POGLUT3: variants seen among roughly 807,000 people sequenced by gnomAD.
The protein encoded by POGLUT3 is KDEL (Lys-Asp-Glu-Leu) containing 2.
A neutral mutation model predicts 54.3 loss-of-function variants in POGLUT3; 48 were observed. The observed-to-expected ratio is 0.88, with a 90% CI of 0.70 to 1.12. The LOEUF is 1.12. Among genes scored for constraint, POGLUT3 ranks in the 50% most tolerant of loss-of-function variants. POGLUT3 has a pLI of 0.00. For missense variants in POGLUT3, 629 were observed against 618.7 expected, an observed-to-expected ratio of 1.02 and a Z score of -0.18; for synonymous variants, 218 against 237.4, an observed-to-expected ratio of 0.92 and a Z score of 0.75.
At position 108,479,383 on chromosome 11, in the gene POGLUT3, T is replaced by C. The variant is rs780235403; in HGVS notation, c.1211A>G (p.Tyr404Cys). ...KQDSPYYEHF[Y>C]MALEPWKHYV... is the part of the protein sequence containing the mutation. ...ATGCTTCCAAGGTTCTAGTGCCATG[T>C]AGAAATGTTCATAATATGGCGAGTC... The change falls in exon 6 of 8, where the codon TAC (tyrosine) becomes TGC (cysteine). Residue 404 changes from tyrosine to cysteine, a missense_variant. Transcript: ENST00000323468. 8.7e-6 allele frequency: 14 copies of C among 1,613,094 alleles called. No homozygotes were observed. Among genetic ancestry groups the C allele is most frequent in the Non-Finnish European group, 1.2e-5 (14 of 1,179,850 alleles).
At chr11:108,485,702 G>A (rs1046279886) in intron 3 of POGLUT3, among the ~76,000 whole-genome samples, 1 of 151,498 alleles carries the variant, frequency 6.6e-6, no homozygotes, top group African/African-American at 2.4e-5. Flanking sequence ...CTGTCACCCA[G>A]GTTGGAGTGC....
intron 1 of POGLUT3, among the ~76,000 whole-genome samples, chr11:108,496,067 T>C (rs2093621745): frequency 6.6e-6 from 1 of 152,164 alleles, no homozygotes; most frequent in Admixed American, 6.5e-5. Flanking sequence ...GGATTTTAAC[T>C]GAGAGTCTTT....
At chr11:108,481,457 CAT>C (rs1488630958) in intron 4 of POGLUT3, 81 bp from the exon 5 acceptor site, 2 of 1,101,126 alleles carry the variant, frequency 1.8e-6, no homozygotes, top group Non-Finnish European at 2.5e-6. Context: ...TTTAATCTAC[CAT>C]TGTCATTTAA....
rs2093603049 is a variant in POGLUT3 at position 108,486,233 on chromosome 11, A to T, written c.608T>A (p.Val203Asp). 2.5e-6 allele frequency: 4 copies of T among 1,613,946 alleles called. No homozygotes were observed. The South Asian group carries it at 4.4e-5, about 18-fold the overall frequency. ...IVHYTILNNH[V>D]YRRSLGKYTD... ...GTATTTCCCTAAAGATCTCCGGTAA[A>T]CATGGTTATTGAGAATCGTGTAATG... Residue 203 changes from valine to aspartate, a missense_variant, in exon 3 of 8, where the codon GTT becomes GAT. Physicochemically the swap from Val to Asp is radical, Grantham distance 152. Transcript: ENST00000323468.
intron 2 of POGLUT3, 171 bp from the exon 3 acceptor site, chr11:108,486,611 T>C: frequency 1.5e-6 from 1 of 645,504 alleles, no homozygotes; most frequent in Non-Finnish European, 2.6e-6. Context: ...TTTACTTTCC[T>C]TTTCACACCA....
intron 3 of POGLUT3, among the ~76,000 whole-genome samples, chr11:108,482,867 C>T (rs926670517): frequency 1.2e-4 from 19 of 152,202 alleles, no homozygotes; most frequent in Non-Finnish European, 1.9e-4. Context: ...GCAAGAGAAT[C>T]TACAAAGTTA....
intron 6 of POGLUT3, among the ~76,000 whole-genome samples, chr11:108,478,441 C>T (rs572305010): frequency 1.2e-3 from 189 of 152,282 alleles, no homozygotes; most frequent in Non-Finnish European, 1.9e-3. Flanking sequence ...AGAATGAATC[C>T]GTTTTCACGT....
intron 1 of POGLUT3, 69 bp downstream of exon 1, chr11:108,498,096 G>C: frequency 7.4e-7 from 1 of 1,351,522 alleles, no homozygotes. Flanking sequence ...GCCGCGGGCG[G>C]ACTCCCGGGC....
intron 3 of POGLUT3, among the ~76,000 whole-genome samples, chr11:108,483,191 ACT>A (rs1483864080): frequency 6.6e-6 from 1 of 152,102 alleles, no homozygotes; most frequent in East Asian, 1.9e-4. Context: ...CAAGATCTCA[ACT>A]CTCTGGCTGG....
chr11:108,488,304 C>T (rs751470408), intron 2 of POGLUT3, among the ~76,000 whole-genome samples: 1 of 152,198 alleles, frequency 6.6e-6, no homozygotes, highest in African/African-American at 2.4e-5. Context: ...GGATTACAGG[C>T]GTGAGTCACC....
rs2093576583 is a variant in POGLUT3, at chr11:108,474,550, A to C, written c.*277T>G. Reference sequence around the variant, plus strand: ...ACAAGGTATATATAAAATATAAATGAATTTTGTGTTTAGACTTGGATCTCA... The same window carrying C: ...ACAAGGTATATATAAAATATAAATGCATTTTGTGTTTAGACTTGGATCTCA... On this transcript the variant is annotated 3_prime_UTR_variant, in exon 8 of 8. Coordinates refer to ENST00000323468, the MANE Select transcript of POGLUT3 (RefSeq NM_153705.5). 4.6e-6 allele frequency: 1 copy of C among 218,768 alleles called. No individual in the cohort carries two copies. The highest frequency in any genetic ancestry group is 9.0e-6 in the Non-Finnish European group (1 of 111,382). 13.6% of individuals were successfully genotyped at this position (218,768 alleles called of 1,614,324 possible).
Position 108,495,452 on chromosome 11 carries a change from A to C in POGLUT3, c.202+2713T>G, listed in dbSNP as rs541664839. On this transcript the variant is annotated intron_variant, in intron 1 of 7. Transcript: ENST00000323468. ...TCCCAAAGTGCTGAGATTACAAGGC[A>C]TGAATAACCAGCTATTCAGTTGGTT... Among the ~76,000 whole-genome samples, 20 of 152,334 alleles carry C rather than the reference A, an allele frequency of 1.3e-4. No homozygotes were observed. In the South Asian group the frequency reaches 4.1e-3, roughly 32 times the overall value.
At chr11:108,494,283 T>C (rs1186185137) in intron 1 of POGLUT3, among the ~76,000 whole-genome samples, 2 of 152,188 alleles carry the variant, frequency 1.3e-5, no homozygotes, top group Non-Finnish European at 2.9e-5. Flanking sequence ...AGGAAGCTCA[T>C]TAAGGCCCTC....
intron 2 of POGLUT3, chr11:108,486,749 G>T: frequency 3.5e-6 from 1 of 288,084 alleles, no homozygotes; most frequent in Non-Finnish European, 6.5e-6. Context: ...TTTTAGCAAG[G>T]AGAAAAAGAA....
rs1487031432 is a variant in POGLUT3, at chr11:108,473,376, T to C, written c.*1451A>G. 6.6e-6 allele frequency: 1 copy of C among 152,212 alleles called. No individual in the cohort carries two copies. The highest frequency in any genetic ancestry group is 2.4e-5 in the African/African-American group (1 of 41,442). 9.4% of individuals were successfully genotyped at this position (152,212 alleles called of 1,614,324 possible). On this transcript the variant is annotated 3_prime_UTR_variant, in exon 8 of 8. Transcript: ENST00000323468. ...CCGGCCAGAGTACATATTTTAAAAT[T>C]TGGAATGAGGATAGCTCTTGTTTTA... is the stretch of plus-strand genomic sequence containing the variant.
In POGLUT3 at chr11:108,490,966, T is replaced by C; in HGVS notation, c.400+4A>G. ...TGACTCTGGAGTATATAATAATCAC[T>C]TACCTTTCAAAATATAGGGAGACTG... On this transcript the variant is annotated splice_donor_region_variant and intron_variant, in intron 2 of 7. Coordinates refer to ENST00000323468, the MANE Select transcript of POGLUT3 (RefSeq NM_153705.5). 6.2e-7 allele frequency: 1 copy of C among 1,611,582 alleles called. No individual in the cohort carries two copies.
intron 1 of POGLUT3, 172 bp from the exon 2 acceptor site, chr11:108,491,339 T>TTCATGC (rs2093612922): frequency 4.8e-6 from 3 of 618,934 alleles, no homozygotes; most frequent in Non-Finnish European, 8.4e-6. Context: ...TCATGTCTGG[T>TTCATGC]TCATGCATTC....
At chr11:108,480,623 A>G (rs1261641504) in intron 5 of POGLUT3, among the ~76,000 whole-genome samples, 2 of 152,138 alleles carry the variant, frequency 1.3e-5, no homozygotes, top group Non-Finnish European at 2.9e-5. Context: ...TTTTGAGCCC[A>G]TCAGGTTTTG....
chr11:108,482,661 G>A (rs1387864601), intron 3 of POGLUT3, among the ~76,000 whole-genome samples: 5 of 152,028 alleles, frequency 3.3e-5, no homozygotes, highest in Admixed American at 6.6e-5. Context: ...CAGGAGAATC[G>A]CTTGAACCTG....
Sources: allele counts gnomAD v4.1 joint callset (sites outside exome capture counted in the v4.1 genomes callset), GRCh38; gene constraint gnomAD v4.1.1; transcripts MANE v1.5; gene names NCBI Gene and HGNC (gene_info 2026-07-23, HGNC 2026-07-21).